The following GPR39 variants were observed in gnomAD, a reference collection of about 807,000 sequenced individuals.
GPR39 encodes zinc sensing receptor.
In GPR39, 23 loss-of-function variants were observed where a neutral mutation model predicts 18.4. The observed-to-expected ratio is 1.25, with a 90% CI of 0.90 to 1.77. The LOEUF (loss-of-function observed/expected upper bound fraction) is 1.77. Among genes scored for constraint, GPR39 ranks in the 40% most tolerant of loss-of-function variants. The probability of loss-of-function intolerance (pLI) is 0.00; values close to 1 mark genes in which losing one functional copy is unlikely to be tolerated. For synonymous variants in GPR39, 280 were observed against 257.9 expected (o/e 1.09, Z -0.82); for missense variants, 647 against 602.4 (o/e 1.07, Z -0.78).
At chr2:132,578,064 A>G (rs1573677850) in intron 1 of GPR39, among the ~76,000 whole-genome samples, 1 of 129,276 alleles carries the variant, frequency 7.7e-6, no homozygotes, top group East Asian at 2.7e-4. Flanking sequence ...CTATTTTTCT[A>G]GAGTTTTTTT....
chr2:132,482,374 T>C (rs1681251416), intron 1 of GPR39, among the ~76,000 whole-genome samples: 1 of 152,192 alleles, frequency 6.6e-6, no homozygotes, highest in South Asian at 2.1e-4. Context: ...TGAGATGCCT[T>C]TTCCTCCCCC....
intron 1 of GPR39, among the ~76,000 whole-genome samples, chr2:132,421,139 G>C (rs778743696): frequency 6.6e-6 from 1 of 152,186 alleles, no homozygotes; most frequent in Non-Finnish European, 1.5e-5. Flanking sequence ...TCAATGATGA[G>C]GATGTGTAAA....
chr2:132,622,064 G>C (rs923797160), intron 1 of GPR39, among the ~76,000 whole-genome samples: 1 of 152,164 alleles, frequency 6.6e-6, no homozygotes, highest in Non-Finnish European at 1.5e-5. Context: ...CTGGGCTGGG[G>C]AGAGACCTTT....
At chr2:132,417,956 G>A (rs1411837013) in intron 1 of GPR39, 58 bp downstream of exon 1, 4 of 1,521,342 alleles carry the variant, frequency 2.6e-6, no homozygotes, top group Non-Finnish European at 3.5e-6. Flanking sequence ...CCCACGACCC[G>A]TGCCACTGCC....
At chr2:132,605,633 T>C (rs138433129) in intron 1 of GPR39, among the ~76,000 whole-genome samples, 2 of 152,256 alleles carry the variant, frequency 1.3e-5, no homozygotes, top group South Asian at 2.1e-4. Flanking sequence ...TTATGCGTGG[T>C]TTTTATAATG....
intron 1 of GPR39, among the ~76,000 whole-genome samples, chr2:132,630,464 T>C (rs896232720): frequency 2.0e-5 from 3 of 151,962 alleles, no homozygotes; most frequent in Non-Finnish European, 2.9e-5. Flanking sequence ...AAGAAGGAAG[T>C]TCAAGGACAG....
intron 1 of GPR39, among the ~76,000 whole-genome samples, chr2:132,502,599 A>G (rs1311964981): frequency 6.6e-6 from 1 of 152,160 alleles, no homozygotes; most frequent in African/African-American, 2.4e-5. Flanking sequence ...GGCGTCTTAT[A>G]TTTGGATATC....
chr2:132,596,116 G>A (rs1010228989), intron 1 of GPR39, among the ~76,000 whole-genome samples: 1 of 152,148 alleles, frequency 6.6e-6, no homozygotes, highest in African/African-American at 2.4e-5. Context: ...GCTAGTGGCC[G>A]ATTGCATGCG....
intron 1 of GPR39, among the ~76,000 whole-genome samples, chr2:132,599,677 G>T (rs1426500703): frequency 1.3e-5 from 2 of 152,194 alleles, no homozygotes; most frequent in Non-Finnish European, 2.9e-5. Context: ...GTGCTCTGCA[G>T]TGAAATTAAG....
At chr2:132,436,083 C>A (rs1680313877) in intron 1 of GPR39, among the ~76,000 whole-genome samples, 1 of 152,128 alleles carries the variant, frequency 6.6e-6, no homozygotes, top group Non-Finnish European at 1.5e-5. Context: ...GGCCCTGAGG[C>A]CCCCCGAGTC....
At chr2:132,517,968 T>C (rs1050770253) in intron 1 of GPR39, among the ~76,000 whole-genome samples, 1 of 152,204 alleles carries the variant, frequency 6.6e-6, no homozygotes, top group Non-Finnish European at 1.5e-5. Context: ...CCTTTTTTGC[T>C]ATGTTTGGGG....
At chr2:132,601,077 A>G (rs1346134106) in intron 1 of GPR39, among the ~76,000 whole-genome samples, 4 of 152,052 alleles carry the variant, frequency 2.6e-5, no homozygotes, top group African/African-American at 9.7e-5. Flanking sequence ...TTCTCCAACT[A>G]TTTCCCCAAA....
intron 1 of GPR39, among the ~76,000 whole-genome samples, chr2:132,536,009 C>CAAAAAA (rs56929155): frequency 2.5e-4 from 35 of 140,126 alleles, no homozygotes; most frequent in South Asian, 2.3e-3. Flanking sequence ...TTAATTTTTT[C>CAAAAAA]AAAAAAAAAA....
At chr2:132,454,791 T>G (rs1680689910) in intron 1 of GPR39, among the ~76,000 whole-genome samples, 4 of 152,208 alleles carry the variant, frequency 2.6e-5, no homozygotes, top group Admixed American at 2.6e-4. Flanking sequence ...GTTTATTGAT[T>G]TGCATGTGTC....
At chr2:132,492,746 A>G (rs1420335429) in intron 1 of GPR39, among the ~76,000 whole-genome samples, 2 of 139,350 alleles carry the variant, frequency 1.4e-5, no homozygotes, top group Non-Finnish European at 1.5e-5. Context: ...TATACACACC[A>G]TGTATATACC....
At chr2:132,582,834 AC>A (rs1187504804) in intron 1 of GPR39, among the ~76,000 whole-genome samples, 1 of 151,780 alleles carries the variant, frequency 6.6e-6, no homozygotes, top group Non-Finnish European at 1.5e-5. Flanking sequence ...CCCATTTGTG[AC>A]TTGTGACCTT....
At chr2:132,437,504 T>C (rs1268734268) in intron 1 of GPR39, among the ~76,000 whole-genome samples, 1 of 152,110 alleles carries the variant, frequency 6.6e-6, no homozygotes, top group African/African-American at 2.4e-5. Flanking sequence ...CCCACGGTGC[T>C]ACCTCCTGAG....
At chr2:132,515,472 C>G (rs902615345) in intron 1 of GPR39, among the ~76,000 whole-genome samples, 3 of 152,084 alleles carry the variant, frequency 2.0e-5, no homozygotes, top group Non-Finnish European at 4.4e-5. Flanking sequence ...ACTGGTCCTC[C>G]CCAGACACCT....
At chr2:132,565,873 G>A (rs2104808309) in intron 1 of GPR39, among the ~76,000 whole-genome samples, 1 of 151,422 alleles carries the variant, frequency 6.6e-6, no homozygotes, top group Non-Finnish European at 1.5e-5. Flanking sequence ...ATGTGCATGT[G>A]TCTTCATAGC....
Sources: gnomAD v4.1 joint callset for allele counts (sites outside exome capture counted in the v4.1 genomes callset) on GRCh38, gnomAD v4.1.1 for gene constraint, MANE v1.5 for transcripts, NCBI Gene and HGNC (gene_info 2026-07-23, HGNC 2026-07-21) for gene names.